CSNK2A2IP: variants seen among roughly 807,000 people sequenced by gnomAD.
The protein encoded by CSNK2A2IP is casein kinase 2 subunit alpha' interacting protein.
the CSNK2A2IP span, among the ~76,000 whole-genome samples, chr3:88,380,962 G>A: frequency 6.6e-6 from 1 of 152,148 alleles, no homozygotes; most frequent in Non-Finnish European, 1.5e-5. Flanking sequence ...TTGGGATGAT[G>A]TATATTCTTT....
chr3:88,440,385 A>G, the CSNK2A2IP span, among the ~76,000 whole-genome samples: 1 of 152,278 alleles, frequency 6.6e-6, no homozygotes, highest in Admixed American at 6.5e-5. Flanking sequence ...AGATTAATAC[A>G]TATATTGAAT....
At chr3:88,430,843 T>TG in the CSNK2A2IP span, among the ~76,000 whole-genome samples, 1 of 151,988 alleles carries the variant, frequency 6.6e-6, no homozygotes, top group East Asian at 1.9e-4. Flanking sequence ...CCCCATCCAC[T>TG]GAAATGGTGA....
chr3:88,374,184 GGT>G, the CSNK2A2IP span, among the ~76,000 whole-genome samples: 1 of 151,624 alleles, frequency 6.6e-6, no homozygotes, highest in African/African-American at 2.4e-5. Context: ...TTAAGTTGAT[GGT>G]GAATTAAATT....
chr3:88,445,096 C>G, the CSNK2A2IP span, among the ~76,000 whole-genome samples: 12 of 151,898 alleles, frequency 7.9e-5, 1 homozygote, highest in South Asian at 1.5e-3. Context: ...TAAATTGTGA[C>G]TTCATTAACG....
At chr3:88,406,914 T>A in the CSNK2A2IP span, among the ~76,000 whole-genome samples, 1 of 152,184 alleles carries the variant, frequency 6.6e-6, no homozygotes, top group Non-Finnish European at 1.5e-5. Context: ...GTAGCCCCAC[T>A]CTCATGTGGC....
At chr3:88,436,645 C>T in the CSNK2A2IP span, among the ~76,000 whole-genome samples, 1 of 152,220 alleles carries the variant, frequency 6.6e-6, no homozygotes, top group East Asian at 1.9e-4. Context: ...TAAAGCAGCA[C>T]TGGACTGTTT....
chr3:88,344,065 A>G, the CSNK2A2IP span, among the ~76,000 whole-genome samples: 1 of 151,974 alleles, frequency 6.6e-6, no homozygotes, highest in African/African-American at 2.4e-5. Context: ...AGTGCTAAAA[A>G]CTTTGTGGTA....
At chr3:88,455,725 T>G in the CSNK2A2IP span, among the ~76,000 whole-genome samples, 1 of 151,962 alleles carries the variant, frequency 6.6e-6, no homozygotes. Context: ...ACTTATTTAG[T>G]TTTGCTTTTG....
At chr3:88,372,359 G>C in the CSNK2A2IP span, among the ~76,000 whole-genome samples, 1 of 151,190 alleles carries the variant, frequency 6.6e-6, no homozygotes, top group African/African-American at 2.4e-5. Context: ...CAAAGGACGA[G>C]GGCATTAAAT....
the CSNK2A2IP span, among the ~76,000 whole-genome samples, chr3:88,346,423 G>A: frequency 4.6e-5 from 7 of 152,068 alleles, no homozygotes; most frequent in South Asian, 1.4e-3. Flanking sequence ...TCAATGTCTG[G>A]CTTCAAAGCT....
At chr3:88,437,299 GA>G in the CSNK2A2IP span, among the ~76,000 whole-genome samples, 2 of 152,128 alleles carry the variant, frequency 1.3e-5, no homozygotes, top group East Asian at 3.9e-4. Context: ...AGGTACCTAA[GA>G]ATTTATCTTA....
the CSNK2A2IP span, among the ~76,000 whole-genome samples, chr3:88,445,978 CTT>C: frequency 7.3e-6 from 1 of 137,294 alleles, no homozygotes; most frequent in Non-Finnish European, 1.6e-5. Context: ...CCCTCTCTCT[CTT>C]TCTTTCTTTT....
At chr3:88,445,501 A>G in the CSNK2A2IP span, among the ~76,000 whole-genome samples, 2 of 152,158 alleles carry the variant, frequency 1.3e-5, no homozygotes, top group Non-Finnish European at 2.9e-5. Flanking sequence ...TAGAACTATT[A>G]TGTCAAGGGG....
the CSNK2A2IP span, among the ~76,000 whole-genome samples, chr3:88,423,793 T>C: frequency 8.5e-5 from 13 of 152,244 alleles, no homozygotes; most frequent in Admixed American, 8.5e-4. Flanking sequence ...AAGAGTAGCA[T>C]CACAATTAAT....
the CSNK2A2IP span, chr3:88,467,434 C>A: frequency 5.0e-6 from 2 of 398,550 alleles, no homozygotes; most frequent in Non-Finnish European, 8.8e-6. Flanking sequence ...CAAAGATTAC[C>A]AGCTGCATCC....
the CSNK2A2IP span, among the ~76,000 whole-genome samples, chr3:88,351,838 T>C: frequency 1.3e-5 from 2 of 152,148 alleles, no homozygotes; most frequent in Admixed American, 6.6e-5. Context: ...CCATGAAACA[T>C]TGGTTTTTCA....
the CSNK2A2IP span, among the ~76,000 whole-genome samples, chr3:88,396,147 C>T: frequency 6.8e-6 from 1 of 147,580 alleles, no homozygotes; most frequent in Admixed American, 6.9e-5. Context: ...CGCTGTCGCC[C>T]AGGCTGGAGT....
chr3:88,359,963 GA>G, the CSNK2A2IP span, among the ~76,000 whole-genome samples: 1 of 152,020 alleles, frequency 6.6e-6, no homozygotes, highest in Non-Finnish European at 1.5e-5. Flanking sequence ...GTTGGGTGTT[GA>G]AGTCCCCAAC....
At chr3:88,466,327 T>A in the CSNK2A2IP span, 1 of 1,231,742 alleles carries the variant, frequency 8.1e-7, no homozygotes, top group East Asian at 3.2e-5. Flanking sequence ...CAATTCTCAG[T>A]CAATGTTTAT....
Sources: gnomAD v4.1 joint callset for allele counts (sites outside exome capture counted in the v4.1 genomes callset) on GRCh38, gnomAD v4.1.1 for gene constraint, MANE v1.5 for transcripts, NCBI Gene and HGNC (gene_info 2026-07-23, HGNC 2026-07-21) for gene names.